The following FUT9 variants were observed in gnomAD, a reference collection of about 807,000 sequenced individuals.
FUT9 encodes the protein 4-galactosyl-N-acetylglucosaminide 3-alpha-L-fucosyltransferase 9.
A neutral mutation model predicts 29.7 loss-of-function variants in FUT9; 15 were observed. That is an observed-to-expected ratio of 0.51 (90% CI 0.34 to 0.78). The LOEUF (loss-of-function observed/expected upper bound fraction) is 0.78. FUT9 is among the 30% of genes least tolerant of loss of function. FUT9 has a pLI of 0.01. For synonymous variants in FUT9, 169 were observed against 153.7 expected, an observed-to-expected ratio of 1.10 and a Z score of -0.74; for missense variants, 319 against 425.4, an observed-to-expected ratio of 0.75 and a Z score of 2.20.
chr6:96,090,535 A>G (rs1186719001), intron 1 of FUT9, among the ~76,000 whole-genome samples: 1 of 151,928 alleles, frequency 6.6e-6, no homozygotes, highest in African/African-American at 2.4e-5. Flanking sequence ...AAATTTAAAA[A>G]CTAAAATAAA....
chr6:96,021,452 T>C (rs937464668), intron 1 of FUT9, among the ~76,000 whole-genome samples: 1 of 151,988 alleles, frequency 6.6e-6, no homozygotes, highest in East Asian at 1.9e-4. Flanking sequence ...GCTTACCTTT[T>C]AAGAAACTTA....
chr6:96,181,438 T>TC lies in FUT9; in HGVS notation c.-8-21710_-8-21709insC, dbSNP rs869164030. ...ATTTTATTTTTTTTCTTCATAGTTC[T>TC]TTTTTAATTTTTTTTTCATAGGTTA... is the stretch of plus-strand genomic sequence containing the variant. On this transcript the variant is annotated intron_variant, in intron 2 of 2. Transcript: ENST00000302103. Among the ~76,000 whole-genome samples the TC allele has an allele frequency of 2.2e-3, 9 of 4,032 alleles. No homozygotes were observed. The Non-Finnish European group carries it at 0.059, about 27-fold the overall frequency. The allele number at this position is 4,032 out of a possible 152,430, so 2.6% of individuals were successfully genotyped here. A position where few individuals can be genotyped will look rare whatever the true frequency, so the allele number is the denominator to read the frequency against.
chr6:96,174,287 C>T (rs1394581822), intron 2 of FUT9, among the ~76,000 whole-genome samples: 1 of 152,026 alleles, frequency 6.6e-6, no homozygotes, highest in Non-Finnish European at 1.5e-5. Context: ...GTTAAAGAAA[C>T]TTAGATTATT....
chr6:96,052,005 G>T (rs1770679658), intron 1 of FUT9, among the ~76,000 whole-genome samples: 2 of 152,028 alleles, frequency 1.3e-5, no homozygotes, highest in Admixed American at 1.3e-4. Flanking sequence ...CCCAAGCCTG[G>T]GTCATTTATA....
chr6:96,120,269 C>CTTTTTTTTTTTTTTTTTTTTTT (rs11347804), intron 2 of FUT9, among the ~76,000 whole-genome samples: 4 of 91,468 alleles, frequency 4.4e-5, no homozygotes, highest in Non-Finnish European at 6.4e-5. Flanking sequence ...TTTTTTCTTT[C>CTTTTTTTTTTTTTTTTTTTTTT]TTTTTTTTTT....
intron 1 of FUT9, among the ~76,000 whole-genome samples, chr6:96,038,363 TAGC>T (rs1280628998): frequency 2.0e-5 from 3 of 152,160 alleles, no homozygotes; most frequent in African/African-American, 7.2e-5. Flanking sequence ...AGGCTTCTAT[TAGC>T]AGAACATCTG....
intron 1 of FUT9, among the ~76,000 whole-genome samples, chr6:96,087,226 C>T (rs916798283): frequency 6.6e-6 from 1 of 151,758 alleles, no homozygotes; most frequent in Non-Finnish European, 1.5e-5. Context: ...TGGCTTATTA[C>T]CTAAAGTTAT....
At chr6:96,154,924 T>C (rs894414734) in intron 2 of FUT9, among the ~76,000 whole-genome samples, 6 of 152,150 alleles carry the variant, frequency 3.9e-5, no homozygotes, top group African/African-American at 1.2e-4. Flanking sequence ...GGGTCAGTCC[T>C]TCAAAGTGCT....
At chr6:96,122,907 G>A (rs1039421993) in intron 2 of FUT9, among the ~76,000 whole-genome samples, 6 of 151,540 alleles carry the variant, frequency 4.0e-5, no homozygotes, top group African/African-American at 7.3e-5. Context: ...ATAGCTGGGC[G>A]TGGCTAGCTG....
At chr6:96,079,141 T>A (rs1262265871) in intron 1 of FUT9, among the ~76,000 whole-genome samples, 1 of 152,140 alleles carries the variant, frequency 6.6e-6, no homozygotes, top group East Asian at 1.9e-4. Context: ...TGAAAATAGA[T>A]ATTCAAGATT....
At chr6:96,129,389 G>A (rs1321006946) in intron 2 of FUT9, among the ~76,000 whole-genome samples, 1 of 151,552 alleles carries the variant, frequency 6.6e-6, no homozygotes, top group Non-Finnish European at 1.5e-5. Flanking sequence ...TCGAGGCTTC[G>A]AGGCTGAAGT....
chr6:96,021,343 A>C (rs1371370526), intron 1 of FUT9, among the ~76,000 whole-genome samples: 1 of 151,888 alleles, frequency 6.6e-6, no homozygotes, highest in Non-Finnish European at 1.5e-5. Context: ...GGTAGTCCCA[A>C]ACTAACAAAT....
chr6:96,110,571 A>T (rs1028375570), intron 1 of FUT9, among the ~76,000 whole-genome samples: 3 of 152,192 alleles, frequency 2.0e-5, no homozygotes, highest in Non-Finnish European at 2.9e-5. Context: ...GCTGGGAAGA[A>T]AAAACAAGAG....
chr6:96,147,878 C>T (rs73757725), intron 2 of FUT9, among the ~76,000 whole-genome samples: 3,062 of 149,412 alleles, frequency 0.02, 125 homozygotes, highest in African/African-American at 0.072. Context: ...TCTGGGACTA[C>T]GATATAGTTA....
chr6:96,111,395 A>G (rs1771803731), intron 1 of FUT9, among the ~76,000 whole-genome samples: 1 of 152,126 alleles, frequency 6.6e-6, no homozygotes, highest in Non-Finnish European at 1.5e-5. Context: ...TTCTCCCTAT[A>G]CATAATAGAA....
Position 96,184,281 on chromosome 6 carries a change from T to C in FUT9, c.-8-18867T>C, listed in dbSNP as rs76686644. 9.5e-3 allele frequency among the ~76,000 whole-genome samples: 1,449 copies of C among 152,176 alleles called. 33 individuals are homozygous for C. The East Asian group carries it at 0.097, about 10-fold the overall frequency. On this transcript the variant is annotated intron_variant, in intron 2 of 2. Transcript: ENST00000302103. Reference sequence around the variant, plus strand: ...TGAATGATCTTTTGTGTTTCTGTGGTGTAAGTTGTAACATCTCTCATTTTG... The same window carrying C: ...TGAATGATCTTTTGTGTTTCTGTGGCGTAAGTTGTAACATCTCTCATTTTG...
chr6:96,147,157 A>ATTTTTCTTTTTTTT (rs1354811186), intron 2 of FUT9, among the ~76,000 whole-genome samples: 1 of 146,526 alleles, frequency 6.8e-6, no homozygotes, highest in Non-Finnish European at 1.5e-5. Flanking sequence ...TTTTTTTTTT[A>ATTTTTCTTTTTTTT]TTTTTCTTTT....
chr6:96,170,657 T>A (rs1773097500), intron 2 of FUT9, among the ~76,000 whole-genome samples: 1 of 152,086 alleles, frequency 6.6e-6, no homozygotes, highest in African/African-American at 2.4e-5. Context: ...GGTTTTCCTA[T>A]GATATCTTCA....
rs1361594650 is a variant in FUT9, at chr6:96,208,495, G to GAATA, written c.*4265_*4268dup. 1 of 166,900 alleles carries GAATA rather than the reference G, an allele frequency of 6.0e-6. No homozygotes were observed. Among genetic ancestry groups the GAATA allele is most frequent in the East Asian group, 1.9e-4 (1 of 5,174 alleles). The allele number at this position is 166,900 out of a possible 1,614,324, so 10.3% of individuals were successfully genotyped here. On this transcript the variant is annotated 3_prime_UTR_variant, in exon 3 of 3. Transcript: ENST00000302103. ...AGGAGGGTCATATCAAATACTTGTT[G>GAATA]AATAAATACATGAATGTGATAAGTG...
Sources: gnomAD v4.1 joint callset for allele counts (sites outside exome capture counted in the v4.1 genomes callset) on GRCh38, gnomAD v4.1.1 for gene constraint, MANE v1.5 for transcripts, NCBI Gene and HGNC (gene_info 2026-07-23, HGNC 2026-07-21) for gene names.